TRHDE: variants seen among roughly 807,000 people sequenced by gnomAD.
TRHDE encodes thyrotropin-releasing hormone-degrading ectoenzyme.
A neutral mutation model predicts 125.7 loss-of-function variants in TRHDE; 72 were observed. The observed-to-expected ratio is 0.57, with a 90% CI of 0.47 to 0.70. TRHDE has a LOEUF of 0.70. TRHDE is among the 30% of genes least tolerant of loss of function. TRHDE has a pLI of 0.00. For missense variants in TRHDE, 1,110 were observed against 1,327.1 expected (o/e 0.84, Z 2.54); for synonymous variants, 509 against 509.1 (o/e 1.00, Z 0.00).
chr12:72,625,461 C>T (rs1337880692), intron 15 of TRHDE, among the ~76,000 whole-genome samples: 1 of 150,138 alleles, frequency 6.7e-6, no homozygotes, highest in Non-Finnish European at 1.5e-5. Flanking sequence ...ATTTTGAAAC[C>T]GAAAAAAAAA....
chr12:72,611,201 G>A (rs1165295111), intron 12 of TRHDE: 2 of 201,088 alleles, frequency 9.9e-6, no homozygotes, highest in South Asian at 1.1e-4. Flanking sequence ...GTGCTGATCT[G>A]CAGGCCAAAA....
intron 6 of TRHDE, among the ~76,000 whole-genome samples, chr12:72,504,079 A>G (rs1339218559): frequency 4.6e-5 from 7 of 152,196 alleles, no homozygotes; most frequent in African/African-American, 1.7e-4. Flanking sequence ...AGGAGTTATG[A>G]CAGAAATATA....
chr12:72,562,828 A>C (rs1316288318), intron 8 of TRHDE, 25 bp from the exon 9 acceptor site: 12 of 1,451,608 alleles, frequency 8.3e-6, no homozygotes, highest in Non-Finnish European at 1.1e-5. Flanking sequence ...TTATAAAACT[A>C]ATTTGTACAT....
chr12:72,439,993 T>A (rs933643259), intron 3 of TRHDE, among the ~76,000 whole-genome samples: 1 of 152,000 alleles, frequency 6.6e-6, no homozygotes, highest in African/African-American at 2.4e-5. Context: ...TCTCATATGC[T>A]CTTTCTGCAT....
intron 3 of TRHDE, among the ~76,000 whole-genome samples, chr12:72,434,770 C>T (rs1025142442): frequency 6.6e-6 from 1 of 152,048 alleles, no homozygotes; most frequent in Non-Finnish European, 1.5e-5. Context: ...AAATATTCAC[C>T]TCTGTACACC....
chr12:72,244,792 T>C (rs1484780750), intron 2 of TRHDE, among the ~76,000 whole-genome samples: 1 of 152,094 alleles, frequency 6.6e-6, no homozygotes, highest in Non-Finnish European at 1.5e-5. Context: ...AAAAAAGGAA[T>C]GATATAAAAT....
At chr12:72,213,390 C>T (rs1038425582) in intron 2 of TRHDE, among the ~76,000 whole-genome samples, 1 of 152,072 alleles carries the variant, frequency 6.6e-6, no homozygotes, top group African/African-American at 2.4e-5. Flanking sequence ...CTTTTGAGTG[C>T]ATCACAGTTA....
intron 1 of TRHDE, among the ~76,000 whole-genome samples, chr12:72,276,685 T>C (rs759605896): frequency 6.6e-6 from 1 of 152,212 alleles, no homozygotes; most frequent in African/African-American, 2.4e-5. Flanking sequence ...GAGCTCCCTC[T>C]TGAAGCCCAA....
At chr12:72,391,431 CA>C (rs1872606972) in intron 3 of TRHDE, among the ~76,000 whole-genome samples, 1 of 152,110 alleles carries the variant, frequency 6.6e-6, no homozygotes, top group Non-Finnish European at 1.5e-5. Context: ...GAGTGAGTCC[CA>C]AATGCCATTT....
At chr12:72,496,756 A>G (rs1055097098) in intron 5 of TRHDE, among the ~76,000 whole-genome samples, 6 of 152,080 alleles carry the variant, frequency 3.9e-5, no homozygotes. Flanking sequence ...TTTATTTTTA[A>G]ACTTTCATAG....
At chr12:72,323,315 G>A (rs1486717717) in intron 2 of TRHDE, among the ~76,000 whole-genome samples, 1 of 152,116 alleles carries the variant, frequency 6.6e-6, no homozygotes, top group Non-Finnish European at 1.5e-5. Flanking sequence ...ACCTGGCAGG[G>A]AATAATTTTC....
intron 1 of TRHDE, chr12:72,087,526 A>C (rs988830710): frequency 2.6e-5 from 4 of 152,212 alleles, no homozygotes; most frequent in Non-Finnish European, 5.9e-5. Flanking sequence ...ACAGAAAGAA[A>C]GGAAGGAGGA....
At chr12:72,582,273 G>A (rs562373402) in intron 12 of TRHDE, 1 of 983,856 alleles carries the variant, frequency 1.0e-6, no homozygotes, top group South Asian at 4.7e-5. Context: ...CAGCATAATA[G>A]CCACTGAAAA....
chr12:72,203,418 A>C (rs1372415663), intron 2 of TRHDE, among the ~76,000 whole-genome samples: 1 of 152,194 alleles, frequency 6.6e-6, no homozygotes, highest in Non-Finnish European at 1.5e-5. Context: ...CAGTGAGCAG[A>C]GATCGCGCCA....
At chr12:72,292,365 T>G (rs1880121092) in intron 2 of TRHDE, among the ~76,000 whole-genome samples, 1 of 152,228 alleles carries the variant, frequency 6.6e-6, no homozygotes, top group Non-Finnish European at 1.5e-5. Flanking sequence ...GGAAAAGTTT[T>G]AATTTCAAAA....
chr12:72,152,694 A>G (rs1398135484), intron 2 of TRHDE, among the ~76,000 whole-genome samples: 5 of 152,210 alleles, frequency 3.3e-5, no homozygotes, highest in Non-Finnish European at 5.9e-5. Context: ...ACGCTGGATT[A>G]CGTTTATTGA....
intron 2 of TRHDE, among the ~76,000 whole-genome samples, chr12:72,289,558 T>C (rs1425452157): frequency 6.6e-6 from 1 of 152,164 alleles, no homozygotes; most frequent in Admixed American, 6.5e-5. Flanking sequence ...ATTTCTGGCT[T>C]CTCTTGAAAA....
At chr12:72,212,929 T>C (rs1877813161) in intron 2 of TRHDE, among the ~76,000 whole-genome samples, 1 of 152,042 alleles carries the variant, frequency 6.6e-6, no homozygotes, top group African/African-American at 2.4e-5. Context: ...TAAAAACAAT[T>C]CAAATGTCTA....
intron 5 of TRHDE, among the ~76,000 whole-genome samples, chr12:72,480,054 G>T (rs113086231): frequency 1.1e-4 from 17 of 150,066 alleles, no homozygotes; most frequent in African/African-American, 4.2e-4. Flanking sequence ...TCTTAATCCA[G>T]TCTATCATTG....
Sources: allele counts gnomAD v4.1 joint callset (sites outside exome capture counted in the v4.1 genomes callset), GRCh38; gene constraint gnomAD v4.1.1; transcripts MANE v1.5; gene names NCBI Gene and HGNC (gene_info 2026-07-23, HGNC 2026-07-21).